Variants in STOX2 observed in about 807,000 individuals in gnomAD.
The protein encoded by STOX2 is storkhead box 2.
Under a neutral mutation model 60.9 loss-of-function variants are expected in STOX2, and 28 were observed. That is an observed-to-expected ratio of 0.46 (90% CI 0.34 to 0.63). STOX2 has a LOEUF of 0.63. Ranked by LOEUF, STOX2 falls within the 30% of genes least tolerant of loss-of-function variation. The pLI is 0.01. For missense variants in STOX2, 1,024 were observed against 1,187.7 expected (o/e 0.86, Z 2.03); for synonymous variants, 472 against 463.9 (o/e 1.02, Z -0.22).
At chr4:184,002,471 C>T (rs941327019) in intron 2 of STOX2, among the ~76,000 whole-genome samples, 10 of 152,232 alleles carry the variant, frequency 6.6e-5, no homozygotes, top group East Asian at 1.9e-4. Flanking sequence ...CAAAGGCCTA[C>T]GGCAACAAGA....
chr4:184,009,965 C>G lies in STOX2; in HGVS notation c.1127C>G (p.Thr376Arg), dbSNP rs1328820536. ...GGAAAGTCTCGGTCTCACAGCAAGACACGGGTGTCTAAAGGAGACCCTTCC... is the reference window on the plus strand; with the variant it reads ...GGAAAGTCTCGGTCTCACAGCAAGAGACGGGTGTCTAAAGGAGACCCTTCC... ...SHGKSRSHSK[T>R]RVSKGDPSDG... Residue 376 changes from threonine (T) to arginine (R), a missense_variant, in exon 3 of 4, where the codon ACA becomes AGA. Thr to Arg is a moderately conservative substitution (Grantham distance 71, BLOSUM62 -1). This residue lies in a region of STOX2 where 922 missense variants were observed against 1,058.3 expected (regional missense o/e 0.87). Coordinates refer to ENST00000308497, the MANE Select transcript of STOX2 (RefSeq NM_020225.3). This position sits in a 1 kb window ranked among gnomAD's most constrained non-coding sequence, Gnocchi z 4.0. 6.2e-7 allele frequency: 1 copy of G among 1,613,888 alleles called. No individual in the cohort carries two copies. Among genetic ancestry groups the G allele is most frequent in the Admixed American group, 1.7e-5 (1 of 60,022 alleles).
chr4:183,839,016 C>T (rs547387709), intron 1 of STOX2, among the ~76,000 whole-genome samples: 37 of 144,218 alleles, frequency 2.6e-4, no homozygotes, highest in South Asian at 1.0e-3. Flanking sequence ...CACGTGCACG[C>T]GCGCGCGCAC....
chr4:183,864,961 C>T (rs1238104817), intron 1 of STOX2, among the ~76,000 whole-genome samples: 1 of 152,222 alleles, frequency 6.6e-6, no homozygotes, highest in African/African-American at 2.4e-5. Flanking sequence ...CCCAGCAAAT[C>T]TAAAATGCTT....
chr4:183,808,653 ACTGT>A (rs1244036334), intron 1 of STOX2, among the ~76,000 whole-genome samples: 1 of 152,358 alleles, frequency 6.6e-6, no homozygotes, highest in East Asian at 1.9e-4. Flanking sequence ...TACTTTAGAC[ACTGT>A]CTGTTCCCAG....
intron 1 of STOX2, among the ~76,000 whole-genome samples, chr4:183,927,009 A>G (rs899551958): frequency 1.3e-5 from 2 of 152,246 alleles, no homozygotes; most frequent in Admixed American, 6.5e-5. Flanking sequence ...CTTAACAGAA[A>G]GGAAAAAATG....
At chr4:183,816,398 A>T (rs773852777) in intron 1 of STOX2, among the ~76,000 whole-genome samples, 2 of 152,234 alleles carry the variant, frequency 1.3e-5, no homozygotes, top group Non-Finnish European at 2.9e-5. Flanking sequence ...TAATGCAGAA[A>T]CAGAAAGTTA....
chr4:183,922,440 G>A (rs187689954), intron 1 of STOX2, among the ~76,000 whole-genome samples: 14,805 of 151,036 alleles, frequency 0.098, 771 homozygotes, highest in Admixed American at 0.13. Flanking sequence ...TCCACCTCCC[G>A]GGTTCAAGCA....
At chr4:183,985,006 C>T (rs1456638056) in intron 1 of STOX2, among the ~76,000 whole-genome samples, 6 of 152,136 alleles carry the variant, frequency 3.9e-5, no homozygotes, top group Admixed American at 2.6e-4. Context: ...ACCGTACTCT[C>T]GGTAGGGCAG....
chr4:183,951,895 G>A (rs1348717823), intron 1 of STOX2, among the ~76,000 whole-genome samples: 1 of 152,170 alleles, frequency 6.6e-6, no homozygotes, highest in African/African-American at 2.4e-5. Flanking sequence ...AGTGAGCCGA[G>A]ATAGCACCAC....
At chr4:183,852,929 C>T (rs1740194501) in intron 1 of STOX2, among the ~76,000 whole-genome samples, 1 of 152,122 alleles carries the variant, frequency 6.6e-6, no homozygotes, top group Non-Finnish European at 1.5e-5. Flanking sequence ...ATGTGAAGAA[C>T]TTCCCAGAAC....
intron 1 of STOX2, among the ~76,000 whole-genome samples, chr4:183,868,979 C>T (rs1173265833): frequency 1.3e-5 from 2 of 152,278 alleles, no homozygotes; most frequent in East Asian, 3.9e-4. Context: ...AGGATTTCCC[C>T]AGATTCTTCT....
At chr4:183,992,906 G>T (rs1313660654) in intron 1 of STOX2, among the ~76,000 whole-genome samples, 1 of 152,252 alleles carries the variant, frequency 6.6e-6, no homozygotes, top group East Asian at 1.9e-4. Flanking sequence ...GGACCTAGCT[G>T]ATGGGTTATA....
intron 1 of STOX2, among the ~76,000 whole-genome samples, chr4:183,964,742 C>T (rs1329285391): frequency 2.0e-5 from 3 of 152,092 alleles, no homozygotes; most frequent in Admixed American, 2.0e-4. Context: ...GCCACCATGC[C>T]CAGCTGATTT....
chr4:183,913,684 T>A lies in STOX2; in HGVS notation c.166+6728T>A, dbSNP rs1244611756. The stretch of plus-strand genomic sequence containing the variant: ...TACTCGGGAGGCTGAGGCAGGAGAA[T>A]CTCTTGAACCCTGGAGGTGGAGGTT... On this transcript the variant is annotated intron_variant, in intron 1 of 3. Coordinates refer to ENST00000308497, the MANE Select transcript of STOX2 (RefSeq NM_020225.3). 2.0e-5 allele frequency among the ~76,000 whole-genome samples: 3 copies of A among 151,838 alleles called. No individual in the cohort carries two copies. The East Asian group carries it at 5.8e-4, about 29-fold the overall frequency.
intron 1 of STOX2, among the ~76,000 whole-genome samples, chr4:183,812,985 T>TA (rs1381971322): frequency 1.3e-5 from 2 of 152,286 alleles, no homozygotes; most frequent in African/African-American, 4.8e-5. Flanking sequence ...ATCAATTATT[T>TA]AAAAAAATAA....
chr4:183,869,293 C>G (rs1393566826), intron 1 of STOX2, among the ~76,000 whole-genome samples: 1 of 152,154 alleles, frequency 6.6e-6, no homozygotes, highest in South Asian at 2.1e-4. Context: ...TTCGATGGGC[C>G]TAGAAACTGA....
chr4:183,814,677 C>A (rs1404046222), intron 1 of STOX2, among the ~76,000 whole-genome samples: 1 of 152,254 alleles, frequency 6.6e-6, no homozygotes, highest in Non-Finnish European at 1.5e-5. Context: ...ACCTGGCAGA[C>A]AACCAGAGCC....
chr4:183,873,464 AGGG>A (rs1242010607), intron 1 of STOX2, among the ~76,000 whole-genome samples: 5 of 148,694 alleles, frequency 3.4e-5, no homozygotes, highest in Non-Finnish European at 7.4e-5. Context: ...AAAAAAAAAA[AGGG>A]AGGATTGGTT....
rs926411104 is a variant in STOX2 at position 183,825,219 on chromosome 4, T to A, written c.364+27164T>A. Among the ~76,000 whole-genome samples the A allele has an allele frequency of 1.3e-5, 2 of 152,196 alleles. No individual in the cohort carries two copies. The highest frequency in any genetic ancestry group is 2.9e-5 in the Non-Finnish European group (2 of 68,038). On this transcript the variant is annotated intron_variant, in intron 1 of 2. Coordinates refer to the STOX2 transcript ENST00000513034. The surrounding 1 kb of genome is among the most constrained non-coding windows in gnomAD (Gnocchi z 4.1). ...ACCATGAGGACGGCTGGGACATTCT[T>A]CCAGCTTATTTTGCTTTGAGGATCT...
Sources: allele counts gnomAD v4.1 joint callset (sites outside exome capture counted in the v4.1 genomes callset), GRCh38; gene constraint gnomAD v4.1.1; regional missense constraint gnomAD v4.1.1; non-coding constraint Gnocchi (gnomAD v3.1); transcripts MANE v1.5; gene names NCBI Gene and HGNC (gene_info 2026-07-23, HGNC 2026-07-21).